The following TMED4 variants were observed in gnomAD, a reference collection of about 807,000 sequenced individuals.
The protein encoded by TMED4 is transmembrane p24 trafficking protein 4.
Under a neutral mutation model 26.5 loss-of-function variants are expected in TMED4, and 19 were observed. The observed-to-expected ratio is 0.72, with a 90% CI of 0.50 to 1.05. The LOEUF (loss-of-function observed/expected upper bound fraction) is 1.05, where lower values mean the gene tolerates loss of function less well. Ranked by LOEUF, TMED4 falls within the 50% of genes least tolerant of loss-of-function variation. The pLI is 0.00. For synonymous variants in TMED4, 121 were observed against 119.8 expected (o/e 1.01, Z -0.07); for missense variants, 303 against 302.5 (o/e 1.00, Z -0.01).
chr7:44,582,064 T>G lies in TMED4; in HGVS notation c.143A>C (p.Asp48Ala). 6.4e-7 allele frequency: 1 copy of G among 1,566,860 alleles called. No homozygotes were observed. The highest frequency in any genetic ancestry group is 1.2e-5 in the South Asian group (1 of 86,160). ...EKRCFIEEIPDETMVIGNYRT... is the reference protein window; with the variant it reads ...EKRCFIEEIPAETMVIGNYRT... Reference sequence around the variant, plus strand: ...CGCCTGACCGATGACCATGGTCTCGTCGGGGATTTCCTCGATGAAACAGCG... The same window carrying G: ...CGCCTGACCGATGACCATGGTCTCGGCGGGGATTTCCTCGATGAAACAGCG... The change falls in exon 1 of 5, where the codon GAC becomes GCC. Residue 48 changes from aspartate (D) to alanine (A), a missense_variant. Asp to Ala is a moderately radical substitution (Grantham distance 126, BLOSUM62 -2). Transcript: ENST00000457408.
At position 44,579,642 on chromosome 7, in the gene TMED4, C is replaced by A; in HGVS notation, c.535-14G>T. On this transcript the variant is annotated splice_polypyrimidine_tract_variant and intron_variant, in intron 4 of 4. Coordinates refer to ENST00000457408, the MANE Select transcript of TMED4 (RefSeq NM_182547.4). Reference sequence around the variant, plus strand: ...CTCTTCACGATACTGTGTGGGGCAACACAGGGTTAAGTGAGCAGGAGAAAC... The same window carrying A: ...CTCTTCACGATACTGTGTGGGGCAAAACAGGGTTAAGTGAGCAGGAGAAAC... 6.2e-7 allele frequency: 1 copy of A among 1,610,120 alleles called. No homozygotes were observed. The highest frequency in any genetic ancestry group is 8.5e-7 in the Non-Finnish European group (1 of 1,176,990).
chr7:44,577,962 TGTC>T lies in TMED4; in HGVS notation c.*1514_*1516del, dbSNP rs1802863937. On this transcript the variant is annotated 3_prime_UTR_variant, in exon 5 of 5. Transcript: ENST00000457408. The stretch of plus-strand genomic sequence containing the variant: ...ATATATAATAAAAACTGAAATAAAA[TGTC>T]AAGAATGGGGAACTAATGGTATTAA... The T allele has an allele frequency of 6.6e-6, 1 of 152,020 alleles. No individual in the cohort carries two copies. Among genetic ancestry groups the T allele is most frequent in the South Asian group, 2.1e-4 (1 of 4,828 alleles). The allele number at this position is 152,020 out of a possible 1,614,324, so 9.4% of individuals were successfully genotyped here.
chr7:44,580,226 C>G (rs112740727), intron 4 of TMED4: 11,127 of 152,542 alleles, frequency 0.073, 503 homozygotes, highest in East Asian at 0.12. Flanking sequence ...CGCCTGTAAT[C>G]CCAACACTTT....
chr7:44,580,013 G>A (rs1802931774), intron 4 of TMED4: 1 of 163,192 alleles, frequency 6.1e-6, no homozygotes, highest in Non-Finnish European at 1.3e-5. Context: ...TCTGACACAT[G>A]CTATAACATG....
At position 44,579,514 on chromosome 7, in the gene TMED4, G is replaced by A; in HGVS notation, c.649C>T (p.Leu217Phe). The change falls in exon 5 of 5, where the codon CTC becomes TTC. Residue 217 changes from leucine to phenylalanine, a missense_variant. Coordinates refer to ENST00000457408, the MANE Select transcript of TMED4 (RefSeq NM_182547.4). The part of the protein sequence containing the change: ...ILTGIWQMRH[L>F]KSFFEAKKLV ...TTCTTGGCCTCAAAGAAGCTCTTGA[G>A]GTGACGCATCTGCCAGATGCCAGTG... is the stretch of plus-strand genomic sequence containing the variant. The A allele has an allele frequency of 1.2e-6, 2 of 1,614,110 alleles. No individual in the cohort carries two copies. Among genetic ancestry groups the A allele is most frequent in the Non-Finnish European group, 1.7e-6 (2 of 1,180,008 alleles).
chr7:44,580,912 C>T, intron 4 of TMED4, 181 bp downstream of exon 4: 1 of 650,582 alleles, frequency 1.5e-6, no homozygotes, highest in Non-Finnish European at 2.6e-6. Context: ...CATGGCATTG[C>T]ACTCCAGCAT....
rs964647913 is a variant in TMED4, at chr7:44,578,392, A to G, written c.*1087T>C. 6.6e-6 allele frequency: 1 copy of G among 152,246 alleles called. No homozygotes were observed. The highest frequency in any genetic ancestry group is 2.4e-5 in the African/African-American group (1 of 41,466). 9.4% of individuals were successfully genotyped at this position (152,246 alleles called of 1,614,324 possible). The stretch of plus-strand genomic sequence containing the variant: ...TTGAAGAAAACATTTAGCACAGCTT[A>G]AATAAAAGTTGAGAAGGAGGGTAAG... On this transcript the variant is annotated 3_prime_UTR_variant, in exon 5 of 5. Coordinates refer to ENST00000457408, the MANE Select transcript of TMED4 (RefSeq NM_182547.4).
Position 44,579,577 on chromosome 7 carries a change from G to A in TMED4, c.586C>T (p.Leu196=). ...ACAGTCTGAGCAATGGACCACCATA[G>A]GACCCTCTGGTTGGTGCTCTCGCTC... The part of the protein sequence containing the change: ...LTSESTNQRV[L]WWSIAQTVIL... Residue 196 remains leucine, a synonymous_variant, in exon 5 of 5, where the codon CTA becomes TTA. Coordinates refer to ENST00000457408, the MANE Select transcript of TMED4 (RefSeq NM_182547.4). The A allele has an allele frequency of 6.2e-7, 1 of 1,614,166 alleles. No individual in the cohort carries two copies. The highest frequency in any genetic ancestry group is 1.1e-5 in the South Asian group (1 of 91,070).
chr7:44,581,816 A>G lies in TMED4; in HGVS notation c.168T>C (p.Tyr56=), dbSNP rs775753945. 1 of 1,614,106 alleles carries G rather than the reference A, an allele frequency of 6.2e-7. No homozygotes were observed. The part of the protein sequence containing the change: ...IPDETMVIGN[Y]RTQMWDKQKE... Reference sequence around the variant, plus strand: ...TCTGCTTATCCCACATCTGGGTACGATAGTTGCCTGCGGGGCAGACACATA... The same window carrying G: ...TCTGCTTATCCCACATCTGGGTACGGTAGTTGCCTGCGGGGCAGACACATA... The change falls in exon 2 of 5, where the codon TAT becomes TAC. Residue 56 remains tyrosine (Y), a synonymous_variant. Transcript: ENST00000457408.
chr7:44,578,312 T>C lies in TMED4; in HGVS notation c.*1167A>G, dbSNP rs1802877009. 6.6e-6 allele frequency: 1 copy of C among 152,186 alleles called. No individual in the cohort carries two copies. 9.4% of individuals were successfully genotyped at this position (152,186 alleles called of 1,614,324 possible). ...TCTTATTTCATCTCAAACACAGCTA[T>C]TACAACATGTTTTATTTCACTGGAA... On this transcript the variant is annotated 3_prime_UTR_variant, in exon 5 of 5. Transcript: ENST00000457408.
intron 4 of TMED4, 73 bp downstream of exon 4, chr7:44,581,020 G>A (rs1176420070): frequency 1.3e-6 from 2 of 1,532,348 alleles, no homozygotes; most frequent in East Asian, 2.3e-5. Flanking sequence ...GATCTCCCAA[G>A]CAGAAACTTG....
Position 44,578,529 on chromosome 7 carries a change from G to A in TMED4, c.*950C>T, listed in dbSNP as rs925565544. ...CTGCTTGGCCCTCTGATACGGCCTTGAGGTCAGCCCTGGTGCCTGCTTTCT... is the reference window on the plus strand; with the variant it reads ...CTGCTTGGCCCTCTGATACGGCCTTAAGGTCAGCCCTGGTGCCTGCTTTCT... On this transcript the variant is annotated 3_prime_UTR_variant, in exon 5 of 5. Transcript: ENST00000457408. 1 of 152,116 alleles carries A rather than the reference G, an allele frequency of 6.6e-6. No homozygotes were observed. The highest frequency in any genetic ancestry group is 2.4e-5 in the African/African-American group (1 of 41,428). 9.4% of individuals were successfully genotyped at this position (152,116 alleles called of 1,614,324 possible).
Position 44,581,614 on chromosome 7 carries a change from A to G in TMED4, c.262-40T>C, listed in dbSNP as rs1803000899. 1.9e-6 allele frequency: 3 copies of G among 1,614,030 alleles called. No homozygotes were observed. In the South Asian group the frequency reaches 3.3e-5, roughly 18 times the overall value. ...AGTGAAGGCCCCACCTTTATACCGC[A>G]GGCTCTCCAAGTGCAAGTTCCTGTC... On this transcript the variant is annotated intron_variant, in intron 2 of 4. Coordinates refer to ENST00000457408, the MANE Select transcript of TMED4 (RefSeq NM_182547.4).
rs1802907917 is a variant in TMED4, at chr7:44,579,298, A to G, written c.*181T>C. ...AGACAAGATTTTGAAAGATTGGACT[A>G]ATGTCATGTGTCCTTAAGAACCAGG... On this transcript the variant is annotated 3_prime_UTR_variant, in exon 5 of 5. Coordinates refer to ENST00000457408, the MANE Select transcript of TMED4 (RefSeq NM_182547.4). 3 of 566,970 alleles carry G rather than the reference A, an allele frequency of 5.3e-6. 1 individual carries two copies. The highest frequency in any genetic ancestry group is 5.1e-5 in the South Asian group (2 of 38,956). 35.1% of individuals were successfully genotyped at this position (566,970 alleles called of 1,614,324 possible). A position where few individuals can be genotyped will look rare whatever the true frequency, so the allele number is the denominator to read the frequency against.
Position 44,579,496 on chromosome 7 carries a change from C to T in TMED4, c.667G>A (p.Ala223Thr), listed in dbSNP as rs1802912914. ...AGAGGGCACTACACCAGCTTCTTGG[C>T]CTCAAAGAAGCTCTTGAGGTGACGC... is the stretch of plus-strand genomic sequence containing the variant. ...QMRHLKSFFE[A>T]KKLV The change falls in exon 5 of 5, where the codon GCC becomes ACC. Residue 223 changes from alanine to threonine, a missense_variant. Transcript: ENST00000457408. 6.2e-7 allele frequency: 1 copy of T among 1,613,898 alleles called. No individual in the cohort carries two copies. The highest frequency in any genetic ancestry group is 8.5e-7 in the Non-Finnish European group (1 of 1,179,884).
At chr7:44,579,826 T>A (rs1802924346) in intron 4 of TMED4, 198 bp from the exon 5 acceptor site, 2 of 444,066 alleles carry the variant, frequency 4.5e-6, no homozygotes, top group East Asian at 6.8e-5. Context: ...AGCATCTCTG[T>A]TAGGACTGAA....
chr7:44,579,668 A>T, intron 4 of TMED4, 40 bp from the exon 5 acceptor site: 6 of 1,592,426 alleles, frequency 3.8e-6, no homozygotes, highest in Non-Finnish European at 5.2e-6. Flanking sequence ...CAGGAGAAAC[A>T]GTCTGGCTGT....
chr7:44,581,882 C>G (rs1803013203), intron 1 of TMED4, 59 bp from the exon 2 acceptor site: 3 of 1,593,396 alleles, frequency 1.9e-6, no homozygotes, highest in Non-Finnish European at 2.6e-6. Flanking sequence ...CGCCCGGCCC[C>G]CTCCGACGTG....
Position 44,578,832 on chromosome 7 carries a change from A to C in TMED4, c.*647T>G, listed in dbSNP as rs966764108. Reference sequence around the variant, plus strand: ...CAGTGAGCTGAGATCACGCCATTGCACTCCAGCCTGGGCGACAAGAGCAAA... The same window carrying C: ...CAGTGAGCTGAGATCACGCCATTGCCCTCCAGCCTGGGCGACAAGAGCAAA... On this transcript the variant is annotated 3_prime_UTR_variant, in exon 5 of 5. Coordinates refer to ENST00000457408, the MANE Select transcript of TMED4 (RefSeq NM_182547.4). 7.7e-6 allele frequency: 1 copy of C among 129,242 alleles called. No homozygotes were observed. Among genetic ancestry groups the C allele is most frequent in the African/African-American group, 3.1e-5 (1 of 32,086 alleles). 8.0% of individuals were successfully genotyped at this position (129,242 alleles called of 1,614,324 possible).
Sources: allele counts gnomAD v4.1 joint callset, GRCh38; gene constraint gnomAD v4.1.1; transcripts MANE v1.5; gene names NCBI Gene and HGNC (gene_info 2026-07-23, HGNC 2026-07-21).